The following CLSTN2 variants were observed in gnomAD, a reference collection of about 807,000 sequenced individuals.
CLSTN2 encodes calsyntenin 2, also known as calsyntenin-2.
In CLSTN2, 48 loss-of-function variants were observed where a neutral mutation model predicts 101.2. The observed-to-expected ratio is 0.47, with a 90% CI of 0.38 to 0.60. The LOEUF (loss-of-function observed/expected upper bound fraction) is 0.60, where lower values mean the gene tolerates loss of function less well. Among genes scored for constraint, CLSTN2 ranks in the 20% least tolerant of loss-of-function variants. The pLI, the probability that CLSTN2 is intolerant of heterozygous loss-of-function variation, is 0.00. For synonymous variants in CLSTN2, 481 were observed against 463.6 expected (o/e 1.04, Z -0.48); for missense variants, 1,160 against 1,238.2 (o/e 0.94, Z 0.95).
intron 1 of CLSTN2, among the ~76,000 whole-genome samples, chr3:140,007,446 C>G (rs1007254624): frequency 5.9e-5 from 9 of 152,178 alleles, no homozygotes. Context: ...GACGGGGCAG[C>G]CTTTCCCCTT....
intron 2 of CLSTN2, among the ~76,000 whole-genome samples, chr3:140,193,444 A>G (rs1294294411): frequency 1.3e-5 from 2 of 150,214 alleles, no homozygotes; most frequent in East Asian, 3.9e-4. Flanking sequence ...CTTTTCTTTC[A>G]CCACCTGAAA....
At chr3:140,065,554 A>G (rs892070640) in intron 1 of CLSTN2, among the ~76,000 whole-genome samples, 2 of 152,238 alleles carry the variant, frequency 1.3e-5, no homozygotes, top group Non-Finnish European at 2.9e-5. Context: ...TGAATGTGTT[A>G]TCCTGAGAGG....
intron 1 of CLSTN2, among the ~76,000 whole-genome samples, chr3:139,936,838 G>A (rs933241076): frequency 2.6e-5 from 4 of 151,298 alleles, no homozygotes; most frequent in Non-Finnish European, 1.5e-5. Context: ...TATTTTATAA[G>A]CAGGCATTCT....
At chr3:140,501,852 G>A (rs915400214) in intron 8 of CLSTN2, among the ~76,000 whole-genome samples, 1 of 152,152 alleles carries the variant, frequency 6.6e-6, no homozygotes, top group Non-Finnish European at 1.5e-5. Context: ...GATTCAGAAG[G>A]CCTGGGGTGG....
chr3:140,051,558 G>A (rs958658708), intron 1 of CLSTN2, among the ~76,000 whole-genome samples: 2 of 152,192 alleles, frequency 1.3e-5, no homozygotes, highest in South Asian at 2.1e-4. Context: ...CAAGGGGCCA[G>A]GAGGAGGGAT....
chr3:140,268,653 G>A (rs1451197507), intron 2 of CLSTN2, among the ~76,000 whole-genome samples: 2 of 152,172 alleles, frequency 1.3e-5, no homozygotes, highest in East Asian at 3.9e-4. Context: ...TCTCCTTCCT[G>A]GCTAACTCAG....
Position 140,065,637 on chromosome 3 carries a change from C to T in CLSTN2, c.110-110314C>T, listed in dbSNP as rs113065176. Among the ~76,000 whole-genome samples the T allele has an allele frequency of 3.9e-5, 6 of 152,136 alleles. 1 individual carries two copies. Among genetic ancestry groups the T allele is most frequent in the African/African-American group, 1.4e-4 (6 of 41,508 alleles). On this transcript the variant is annotated intron_variant, in intron 1 of 16. Transcript: ENST00000458420. ...TTCGCCTTTCTCTCTAGGTCAACAC[C>T]CAGACTTAACTGGTCTCTAAGATAC... is the stretch of plus-strand genomic sequence containing the variant.
chr3:140,419,767 ACG>A (rs1253236240), intron 4 of CLSTN2, among the ~76,000 whole-genome samples: 1 of 66,852 alleles, frequency 1.5e-5, no homozygotes, highest in South Asian at 4.1e-4. Flanking sequence ...ACGTGTATAC[ACG>A]TGTATACACG....
chr3:140,475,503 A>G lies in CLSTN2; in HGVS notation c.1344+8772A>G, dbSNP rs537375657. 3.9e-5 allele frequency among the ~76,000 whole-genome samples: 6 copies of G among 152,304 alleles called. No homozygotes were observed. In the South Asian group the frequency reaches 1.2e-3, roughly 32 times the overall value. On this transcript the variant is annotated intron_variant, in intron 8 of 16. Coordinates refer to ENST00000458420, the MANE Select transcript of CLSTN2 (RefSeq NM_022131.3). Reference sequence around the variant, plus strand: ...TGGATTTTCTTTATTTTTCTTCTGAAGAGCCTATTCTAAAGAAGAATCCAC... The same window carrying G: ...TGGATTTTCTTTATTTTTCTTCTGAGGAGCCTATTCTAAAGAAGAATCCAC...
intron 2 of CLSTN2, among the ~76,000 whole-genome samples, chr3:140,247,293 G>A (rs577440344): frequency 6.6e-6 from 1 of 152,244 alleles, no homozygotes; most frequent in Admixed American, 6.5e-5. Context: ...AAAATAACAA[G>A]CTCATCCAGG....
intron 2 of CLSTN2, among the ~76,000 whole-genome samples, chr3:140,274,631 A>G (rs2086777315): frequency 6.6e-6 from 1 of 152,260 alleles, no homozygotes; most frequent in Non-Finnish European, 1.5e-5. Context: ...CAGAGTGGGC[A>G]GTTTCCCAGC....
At chr3:140,053,794 A>G (rs1300889842) in intron 1 of CLSTN2, among the ~76,000 whole-genome samples, 1 of 152,204 alleles carries the variant, frequency 6.6e-6, no homozygotes, top group Non-Finnish European at 1.5e-5. Flanking sequence ...AATGGAATCA[A>G]TAACACCTAT....
chr3:140,390,943 T>A (rs973638246), intron 2 of CLSTN2, among the ~76,000 whole-genome samples: 1 of 152,242 alleles, frequency 6.6e-6, no homozygotes, highest in South Asian at 2.1e-4. Context: ...AAATTAGTAA[T>A]GTTTTGTTTT....
At chr3:140,423,774 G>A (rs769556222) in intron 5 of CLSTN2, among the ~76,000 whole-genome samples, 24 of 152,202 alleles carry the variant, frequency 1.6e-4, no homozygotes, top group Admixed American at 3.9e-4. Flanking sequence ...AAGAAGACTA[G>A]CTCTCTAGCT....
chr3:140,476,034 C>T (rs1476110428), intron 8 of CLSTN2, among the ~76,000 whole-genome samples: 3 of 152,164 alleles, frequency 2.0e-5, no homozygotes, highest in African/African-American at 4.8e-5. Context: ...GTCACTGCAC[C>T]GATTGTGTCA....
chr3:140,271,245 C>A (rs2086738879), intron 2 of CLSTN2, among the ~76,000 whole-genome samples: 1 of 152,184 alleles, frequency 6.6e-6, no homozygotes, highest in South Asian at 2.1e-4. Context: ...GGCAGAAGCC[C>A]AAATGCCAGC....
chr3:140,004,572 A>T (rs2006916412), intron 1 of CLSTN2, among the ~76,000 whole-genome samples: 1 of 152,226 alleles, frequency 6.6e-6, no homozygotes, highest in African/African-American at 2.4e-5. Context: ...CCTCTTAGAA[A>T]GCTAGCTCCC....
At chr3:140,150,897 AAATATT>A (rs1270670531) in intron 1 of CLSTN2, among the ~76,000 whole-genome samples, 6 of 152,124 alleles carry the variant, frequency 3.9e-5, no homozygotes, top group African/African-American at 9.7e-5. Context: ...AGCCCATATA[AAATATT>A]AATATTAATA....
At chr3:140,347,488 G>T (rs1349370369) in intron 2 of CLSTN2, among the ~76,000 whole-genome samples, 1 of 152,208 alleles carries the variant, frequency 6.6e-6, no homozygotes, top group Admixed American at 6.5e-5. Flanking sequence ...GCTGTTTTCT[G>T]AGCAGGCAAA....
Sources: gnomAD v4.1 joint callset for allele counts (sites outside exome capture counted in the v4.1 genomes callset) on GRCh38, gnomAD v4.1.1 for gene constraint, MANE v1.5 for transcripts, NCBI Gene and HGNC (gene_info 2026-07-23, HGNC 2026-07-21) for gene names.